The following XKR4 variants were observed in gnomAD, a reference collection of about 807,000 sequenced individuals.
XKR4 encodes the protein XK-related protein 4.
A neutral mutation model predicts 53.9 loss-of-function variants in XKR4; 12 were observed. That is an observed-to-expected ratio of 0.22 (90% confidence interval 0.14 to 0.36). The LOEUF (loss-of-function observed/expected upper bound fraction) is 0.36, where lower values mean the gene tolerates loss of function less well. XKR4 is among the 10% of genes least tolerant of loss of function. The pLI is 1.00. For missense variants in XKR4, 799 were observed against 859.5 expected, an observed-to-expected ratio of 0.93 and a Z score of 0.88; for synonymous variants, 354 against 362.4, an observed-to-expected ratio of 0.98 and a Z score of 0.26.
At chr8:55,522,696 T>G (rs1806813773) in intron 2 of XKR4, among the ~76,000 whole-genome samples, 1 of 152,202 alleles carries the variant, frequency 6.6e-6, no homozygotes, top group Non-Finnish European at 1.5e-5. Flanking sequence ...ATGAGGGTAG[T>G]AAGTGGCAAA....
intron 1 of XKR4, among the ~76,000 whole-genome samples, chr8:55,125,920 CTG>C (rs1183674343): frequency 6.6e-6 from 1 of 152,172 alleles, no homozygotes; most frequent in Non-Finnish European, 1.5e-5. Flanking sequence ...AGTGTGAGCC[CTG>C]TGTTACTACA....
At chr8:55,281,424 A>G (rs552287310) in intron 1 of XKR4, among the ~76,000 whole-genome samples, 2 of 152,330 alleles carry the variant, frequency 1.3e-5, no homozygotes, top group South Asian at 4.1e-4. Context: ...GAAGGAATTC[A>G]TGTGCATAGG....
intron 1 of XKR4, among the ~76,000 whole-genome samples, chr8:55,249,083 C>T (rs1184582490): frequency 6.6e-6 from 1 of 152,164 alleles, no homozygotes; most frequent in African/African-American, 2.4e-5. Context: ...GGCAATATCC[C>T]TGCTTTCATG....
At chr8:55,105,111 A>G (rs144843521) in intron 1 of XKR4, among the ~76,000 whole-genome samples, 4 of 152,280 alleles carry the variant, frequency 2.6e-5, no homozygotes, top group African/African-American at 9.6e-5. Flanking sequence ...TTACAGATTG[A>G]TTCTTTATGA....
At chr8:55,129,290 G>A (rs1563463588) in intron 1 of XKR4, among the ~76,000 whole-genome samples, 1 of 152,124 alleles carries the variant, frequency 6.6e-6, no homozygotes, top group Non-Finnish European at 1.5e-5. Context: ...TGCCCTCAAA[G>A]GACTTCTTTC....
At chr8:55,336,109 G>A in intron 1 of XKR4, among the ~76,000 whole-genome samples, 1 of 151,142 alleles carries the variant, frequency 6.6e-6, no homozygotes, top group Non-Finnish European at 1.5e-5. Context: ...GTTTGGCTGT[G>A]TCTCCACCCA....
chr8:55,277,791 T>A (rs1239773699), intron 1 of XKR4, among the ~76,000 whole-genome samples: 1 of 152,186 alleles, frequency 6.6e-6, no homozygotes, highest in African/African-American at 2.4e-5. Context: ...ATGTGCCATG[T>A]CTAAACACTT....
Position 55,103,084 on chromosome 8 carries a change from G to T in XKR4, c.596G>T (p.Gly199Val). 1 of 1,613,010 alleles carries T rather than the reference G, an allele frequency of 6.2e-7. No individual in the cohort carries two copies. The highest frequency in any genetic ancestry group is 1.3e-5 in the African/African-American group (1 of 75,042). ...GATTGCAAGACGGTGGTCGGCGGTG[G>T]GTCTGCAGCCGGGGAAGGCGAGGCT... ...GADCKTVVGG[G>V]SAAGEGEARP... The change falls in exon 1 of 3, where the codon GGG (glycine) becomes GTG (valine). Residue 199 changes from glycine to valine, a missense_variant. Coordinates refer to ENST00000327381, the MANE Select transcript of XKR4 (RefSeq NM_052898.2).
At chr8:55,447,131 T>C (rs1805359351) in intron 2 of XKR4, among the ~76,000 whole-genome samples, 1 of 151,240 alleles carries the variant, frequency 6.6e-6, no homozygotes, top group Admixed American at 6.6e-5. Flanking sequence ...ATCTAGATGG[T>C]GAACCAGTGA....
chr8:55,414,140 T>C (rs1025471931), intron 2 of XKR4, among the ~76,000 whole-genome samples: 30 of 152,212 alleles, frequency 2.0e-4, no homozygotes, highest in African/African-American at 6.8e-4. Flanking sequence ...AAGCAGAGAT[T>C]ATACTTGGAA....
intron 2 of XKR4, among the ~76,000 whole-genome samples, chr8:55,387,492 C>A (rs1804338357): frequency 6.6e-6 from 1 of 152,220 alleles, no homozygotes; most frequent in African/African-American, 2.4e-5. Flanking sequence ...AATCTGTGTA[C>A]TACTTCCCTA....
chr8:55,184,542 A>G (rs1563477633), intron 1 of XKR4, among the ~76,000 whole-genome samples: 1 of 152,154 alleles, frequency 6.6e-6, no homozygotes, highest in African/African-American at 2.4e-5. Flanking sequence ...ACTTTTCACA[A>G]TGGAAGTTGT....
intron 1 of XKR4, among the ~76,000 whole-genome samples, chr8:55,156,188 T>G (rs1446265424): frequency 6.6e-6 from 1 of 151,884 alleles, no homozygotes; most frequent in African/African-American, 2.4e-5. Flanking sequence ...TTAGACTGTT[T>G]AGTATTGTTT....
rs544735675 is a variant in XKR4, at chr8:55,355,496, A to G, written c.807-2182A>G. 5.3e-5 allele frequency among the ~76,000 whole-genome samples: 8 copies of G among 152,350 alleles called. No homozygotes were observed. In the South Asian group the frequency reaches 1.7e-3, roughly 32 times the overall value. ...ATTAAAACTACACATGGAAACCTGAAGCTATATAATGAAGATACATATCAC... is the reference window on the plus strand; with the variant it reads ...ATTAAAACTACACATGGAAACCTGAGGCTATATAATGAAGATACATATCAC... On this transcript the variant is annotated intron_variant, in intron 1 of 2. Transcript: ENST00000327381.
chr8:55,391,701 T>C (rs1212233799), intron 2 of XKR4, among the ~76,000 whole-genome samples: 1 of 152,144 alleles, frequency 6.6e-6, no homozygotes, highest in Non-Finnish European at 1.5e-5. Context: ...GAAATATATA[T>C]TTTCCATATT....
At chr8:55,502,589 A>T (rs1174647293) in intron 2 of XKR4, among the ~76,000 whole-genome samples, 6 of 145,438 alleles carry the variant, frequency 4.1e-5, no homozygotes, top group African/African-American at 1.6e-4. Flanking sequence ...TGGGGTGGGG[A>T]GGTTGTTATT....
intron 2 of XKR4, among the ~76,000 whole-genome samples, chr8:55,463,941 C>A (rs1224892679): frequency 6.6e-6 from 1 of 152,136 alleles, no homozygotes. Flanking sequence ...AGTTGAATCT[C>A]TGAATAGACC....
At chr8:55,168,607 T>C (rs897614135) in intron 1 of XKR4, among the ~76,000 whole-genome samples, 1 of 152,202 alleles carries the variant, frequency 6.6e-6, no homozygotes, top group Admixed American at 6.5e-5. Flanking sequence ...CCTCATTTCA[T>C]CTGTTTGCTT....
intron 2 of XKR4, among the ~76,000 whole-genome samples, chr8:55,441,239 C>T (rs549134292): frequency 2.0e-4 from 28 of 143,248 alleles, no homozygotes; most frequent in Non-Finnish European, 4.0e-4. Context: ...GACCCTGTCT[C>T]AAGAAAAAAC....
Sources: gnomAD v4.1 joint callset for allele counts (sites outside exome capture counted in the v4.1 genomes callset) on GRCh38, gnomAD v4.1.1 for gene constraint, MANE v1.5 for transcripts, NCBI Gene and HGNC (gene_info 2026-07-23, HGNC 2026-07-21) for gene names.